Variants in NIN observed in about 807,000 individuals in gnomAD.
The protein encoded by NIN is glycogen synthase kinase 3 beta-interacting protein.
In NIN, 137 loss-of-function variants were observed where a neutral mutation model predicts 257.6. That is an observed-to-expected ratio of 0.53 (90% CI 0.46 to 0.61). The LOEUF (loss-of-function observed/expected upper bound fraction) is 0.61. Among genes scored for constraint, NIN ranks in the 20% least tolerant of loss-of-function variants. The pLI is 0.00. For missense variants in NIN, 2,439 were observed against 2,501.2 expected, an observed-to-expected ratio of 0.98 and a Z score of 0.53; for synonymous variants, 918 against 919.8, an observed-to-expected ratio of 1.00 and a Z score of 0.04.
At chr14:50,812,711 C>T (rs1256336338) in intron 3 of NIN, among the ~76,000 whole-genome samples, 2 of 152,214 alleles carry the variant, frequency 1.3e-5, no homozygotes, top group African/African-American at 4.8e-5. Context: ...CGCTTGAATT[C>T]TCTCAAATCT....
At chr14:50,793,065 T>C (rs766275939) in intron 4 of NIN, among the ~76,000 whole-genome samples, 184 bp from the exon 5 acceptor site, 17 of 152,146 alleles carry the variant, frequency 1.1e-4, no homozygotes, top group Admixed American at 3.9e-4. Flanking sequence ...CTTCTAATTC[T>C]GAACGATTTA....
chr14:50,792,415 T>G (rs2043636775), intron 5 of NIN: 2 of 345,686 alleles, frequency 5.8e-6, no homozygotes, highest in African/African-American at 2.1e-5. Flanking sequence ...AGGAGAGAGA[T>G]ATTCAAGAAC....
intron 3 of NIN, 131 bp from the exon 4 acceptor site, chr14:50,806,949 C>T (rs887205164): frequency 1.9e-5 from 9 of 477,878 alleles, no homozygotes; most frequent in African/African-American, 1.2e-4. Context: ...AATTTGTTGC[C>T]CTTTTCATTT....
intron 5 of NIN, among the ~76,000 whole-genome samples, chr14:50,789,671 A>AT (rs900239189): frequency 6.6e-6 from 1 of 152,148 alleles, no homozygotes; most frequent in African/African-American, 2.4e-5. Flanking sequence ...GTCATTGAGA[A>AT]TTTTTTTTCC....
At chr14:50,816,156 T>C (rs1301754965) in intron 3 of NIN, among the ~76,000 whole-genome samples, 1 of 142,618 alleles carries the variant, frequency 7.0e-6, no homozygotes, top group Non-Finnish European at 1.5e-5. Flanking sequence ...TGAAAACACA[T>C]GGACTAATTG....
rs2042713419 is a variant in NIN, at chr14:50,771,107, C to T, written c.1119-115G>A. The T allele has an allele frequency of 6.0e-6, 8 of 1,344,186 alleles. No individual in the cohort carries two copies. In the South Asian group the frequency reaches 1.0e-4, roughly 17 times the overall value. The allele number at this position is 1,344,186 out of a possible 1,614,324, so 83.3% of individuals were successfully genotyped here. On this transcript the variant is annotated intron_variant, in intron 10 of 30. Transcript: ENST00000530997. Reference sequence around the variant, plus strand: ...AGAAGCAAAACCAAGACAACCAAAACCCTCCCAAAGCAAAAAGGCACTCCA... The same window carrying T: ...AGAAGCAAAACCAAGACAACCAAAATCCTCCCAAAGCAAAAAGGCACTCCA...
At chr14:50,791,781 A>G (rs1393541286) in intron 5 of NIN, among the ~76,000 whole-genome samples, 1 of 148,912 alleles carries the variant, frequency 6.7e-6, no homozygotes, top group Non-Finnish European at 1.5e-5. Context: ...TGGATGTTAG[A>G]CCACAATGAA....
chr14:50,727,285 T>A (rs1055892932), intron 29 of NIN: 4 of 975,354 alleles, frequency 4.1e-6, no homozygotes, highest in Non-Finnish European at 4.9e-6. Context: ...TCAAAAAGAT[T>A]TGTACATCTT....
At chr14:50,759,501 T>C (rs1475381656) in intron 17 of NIN, among the ~76,000 whole-genome samples, 6 of 151,940 alleles carry the variant, frequency 3.9e-5, no homozygotes, top group African/African-American at 1.5e-4. Flanking sequence ...TGGCACTTTT[T>C]TTTTTTTTTT....
At chr14:50,765,061 C>CT (rs777814417) in intron 14 of NIN, among the ~76,000 whole-genome samples, 3,238 of 91,736 alleles carry the variant, frequency 0.035, 84 homozygotes, top group Admixed American at 0.15. Context: ...CCTGTCTCTA[C>CT]TTAAAAAAAA....
At chr14:50,818,318 C>CAAAA (rs5808573) in intron 3 of NIN, among the ~76,000 whole-genome samples, 18 of 81,662 alleles carry the variant, frequency 2.2e-4, no homozygotes, top group African/African-American at 6.8e-4. Flanking sequence ...GAGACTCTGT[C>CAAAA]AAAAAAAAAA....
chr14:50,736,346 T>C (rs1201814406), intron 27 of NIN, among the ~76,000 whole-genome samples: 2 of 152,036 alleles, frequency 1.3e-5, no homozygotes, highest in Non-Finnish European at 2.9e-5. Flanking sequence ...ACCATGTTGA[T>C]GAGACTGGTC....
At chr14:50,759,405 G>T (rs919244400) in intron 17 of NIN, among the ~76,000 whole-genome samples, 4 of 151,782 alleles carry the variant, frequency 2.6e-5, no homozygotes, top group Non-Finnish European at 5.9e-5. Context: ...CAAAATAATG[G>T]CAAAAACAGT....
chr14:50,759,496 C>CTT (rs35589008), intron 17 of NIN, among the ~76,000 whole-genome samples: 5 of 142,388 alleles, frequency 3.5e-5, no homozygotes, highest in Non-Finnish European at 3.1e-5. Context: ...GCGACTGGCA[C>CTT]TTTTTTTTTT....
At chr14:50,823,156 G>T (rs1547077) in intron 2 of NIN, 347,535 of 441,130 alleles carry the variant, frequency 0.79, 127,032 homozygotes, top group African/African-American at 0.9. Context: ...GAAATCTGTG[G>T]TTTTTTTTTT....
intron 9 of NIN, 74 bp downstream of exon 9, chr14:50,772,227 G>C: frequency 7.5e-7 from 1 of 1,331,324 alleles, no homozygotes; most frequent in Non-Finnish European, 1.0e-6. Flanking sequence ...TCAAATCACA[G>C]TTTCCAAAAA....
Position 50,806,710 on chromosome 14 carries a change from G to A in NIN, c.265+27C>T, listed in dbSNP as rs560588334. 1.2e-5 allele frequency: 16 copies of A among 1,312,806 alleles called. No individual in the cohort carries two copies. The Admixed American group carries it at 2.4e-4, about 20-fold the overall frequency. 81.3% of individuals were successfully genotyped at this position (1,312,806 alleles called of 1,614,324 possible). A position where few individuals can be genotyped will look rare whatever the true frequency, so the allele number is the denominator to read the frequency against. ...CCCCGGACAACTTTTAAAGGGGAAGGCAGAGAAGAGAAGTGAGTGACCTTA... is the reference window on the plus strand; with the variant it reads ...CCCCGGACAACTTTTAAAGGGGAAGACAGAGAAGAGAAGTGAGTGACCTTA... On this transcript the variant is annotated intron_variant, in intron 4 of 30. Transcript: ENST00000530997.
At chr14:50,812,967 C>T (rs1737887787) in intron 3 of NIN, among the ~76,000 whole-genome samples, 1 of 152,200 alleles carries the variant, frequency 6.6e-6, no homozygotes, top group African/African-American at 2.4e-5. Context: ...CTTTATTTTC[C>T]TTCTTGCAAG....
chr14:50,752,741 A>T lies in NIN; in HGVS notation c.4735-8T>A. Reference sequence around the variant, plus strand: ...GATTTTTAATTCTGAAATCTAATTAAAATTAAAATAAGTTTTTCAAACTTG... The same window carrying T: ...GATTTTTAATTCTGAAATCTAATTATAATTAAAATAAGTTTTTCAAACTTG... On this transcript the variant is annotated splice_polypyrimidine_tract_variant and splice_region_variant and intron_variant, in intron 20 of 30. Coordinates refer to ENST00000530997, the MANE Select transcript of NIN (RefSeq NM_020921.4). 1 of 1,513,762 alleles carries T rather than the reference A, an allele frequency of 6.6e-7. No individual in the cohort carries two copies. The highest frequency in any genetic ancestry group is 1.9e-5 in the Admixed American group (1 of 52,008). The allele number at this position is 1,513,762 out of a possible 1,614,324, so 93.8% of individuals were successfully genotyped here.
Sources: gnomAD v4.1 joint callset for allele counts (sites outside exome capture counted in the v4.1 genomes callset) on GRCh38, gnomAD v4.1.1 for gene constraint, MANE v1.5 for transcripts, NCBI Gene and HGNC (gene_info 2026-07-23, HGNC 2026-07-21) for gene names.